Variants in DNM3 observed in about 807,000 individuals in gnomAD.
The protein encoded by DNM3 is dynamin-3.
DNM3 carries 47 observed loss-of-function variants against 101.6 expected under a neutral mutation model. The ratio of observed to expected loss-of-function variants is 0.46; its 90% CI spans 0.37 to 0.59. DNM3 has a LOEUF of 0.59. Ranked by LOEUF, DNM3 falls within the 20% of genes least tolerant of loss-of-function variation. The pLI is 0.00. For synonymous variants in DNM3, 385 were observed against 387.9 expected (o/e 0.99, Z 0.09); for missense variants, 849 against 1,085.7 (o/e 0.78, Z 3.06).
rs760241194 is a variant in DNM3, at chr1:172,092,880, G to C, written c.1545+5G>C. The stretch of plus-strand genomic sequence containing the variant: ...AAAACCACAGTTGGAAATCAGGTAG[G>C]AATTGCATAAGAGAATCAGTGTATG... On this transcript the variant is annotated splice_donor_5th_base_variant and intron_variant, in intron 13 of 20. Transcript: ENST00000627582. 5.1e-6 allele frequency: 8 copies of C among 1,557,006 alleles called. No individual in the cohort carries two copies. Among genetic ancestry groups the C allele is most frequent in the Non-Finnish European group, 7.0e-6 (8 of 1,149,400 alleles).
At chr1:172,249,342 T>C (rs562553972) in intron 14 of DNM3, among the ~76,000 whole-genome samples, 1 of 152,158 alleles carries the variant, frequency 6.6e-6, no homozygotes, top group Non-Finnish European at 1.5e-5. Flanking sequence ...CTCTGCCTTT[T>C]ACTACTCATT....
intron 14 of DNM3, among the ~76,000 whole-genome samples, chr1:172,183,767 ATTTTTTTTTTTTT>A (rs376245976): frequency 6.4e-5 from 4 of 62,650 alleles, no homozygotes; most frequent in African/African-American, 2.2e-4. Flanking sequence ...TGCCCAGCTA[ATTTTTTTTTTTTT>A]TTTTTTTTTT....
At chr1:171,910,155 T>C (rs1368081392) in intron 1 of DNM3, among the ~76,000 whole-genome samples, 2 of 152,208 alleles carry the variant, frequency 1.3e-5, no homozygotes, top group East Asian at 3.8e-4. Flanking sequence ...AAGGTTAAAG[T>C]TGTAAGTGTT....
intron 14 of DNM3, among the ~76,000 whole-genome samples, chr1:172,208,001 TAA>T (rs1203896689): frequency 3.3e-5 from 5 of 152,064 alleles, no homozygotes; most frequent in African/African-American, 7.2e-5. Flanking sequence ...GTAACAATGC[TAA>T]GTTTGTATAG....
chr1:172,093,505 A>G (rs2054049942), intron 13 of DNM3, among the ~76,000 whole-genome samples: 1 of 152,122 alleles, frequency 6.6e-6, no homozygotes, highest in Admixed American at 6.6e-5. Context: ...TTGCATTGTT[A>G]TTTCTTTTCA....
intron 17 of DNM3, among the ~76,000 whole-genome samples, chr1:172,364,497 C>T (rs1311424016): frequency 6.6e-6 from 1 of 151,786 alleles, no homozygotes; most frequent in East Asian, 1.9e-4. Context: ...GCCAAATCCA[C>T]ACTGGGGGAT....
At chr1:172,235,063 A>G (rs1205582320) in intron 14 of DNM3, among the ~76,000 whole-genome samples, 2 of 152,128 alleles carry the variant, frequency 1.3e-5, no homozygotes, top group Non-Finnish European at 2.9e-5. Context: ...GTGAACAGGC[A>G]ACCTACAGAA....
chr1:172,057,194 T>G (rs200199345), intron 10 of DNM3, among the ~76,000 whole-genome samples: 1 of 152,030 alleles, frequency 6.6e-6, no homozygotes, highest in African/African-American at 2.4e-5. Flanking sequence ...TGGGACTATG[T>G]GAAAAGACCA....
At chr1:172,393,203 G>A (rs978820604) in intron 20 of DNM3, 1 of 152,138 alleles carries the variant, frequency 6.6e-6, no homozygotes, top group Non-Finnish European at 1.5e-5. Context: ...TCTTTACAAA[G>A]ACAAAAGCCA....
chr1:172,339,047 TA>T, intron 17 of DNM3: 1 of 491,728 alleles, frequency 2.0e-6, no homozygotes, highest in South Asian at 1.5e-5. Context: ...GTTTTCTAAA[TA>T]AAAAAGAAAG....
At position 171,954,732 on chromosome 1, in the gene DNM3, G is replaced by A. The variant is rs141745903; in HGVS notation, c.235+32911G>A. On this transcript the variant is annotated intron_variant, in intron 2 of 20. Transcript: ENST00000627582. ...CTAGAAAATTCTAAATTACACCAAA[G>A]GAAAACACCACCAGGAGATGGAGGA... is the stretch of plus-strand genomic sequence containing the variant. 1.8e-3 allele frequency among the ~76,000 whole-genome samples: 273 copies of A among 152,194 alleles called. 1 individual carries two copies. Among genetic ancestry groups the A allele is most frequent in the Non-Finnish European group, 3.0e-3 (201 of 68,018 alleles).
At chr1:171,907,306 A>G (rs1389392564) in intron 1 of DNM3, among the ~76,000 whole-genome samples, 1 of 152,214 alleles carries the variant, frequency 6.6e-6, no homozygotes, top group Non-Finnish European at 1.5e-5. Flanking sequence ...AGCCTGACCA[A>G]CATGGAGAAA....
chr1:172,234,500 C>A (rs1185967178), intron 14 of DNM3, among the ~76,000 whole-genome samples: 1 of 152,108 alleles, frequency 6.6e-6, no homozygotes, highest in Non-Finnish European at 1.5e-5. Context: ...ATCAAGCTAC[C>A]AATGACTTTC....
intron 1 of DNM3, among the ~76,000 whole-genome samples, chr1:171,874,211 G>A (rs566760559): frequency 1.3e-5 from 2 of 152,152 alleles, no homozygotes; most frequent in Non-Finnish European, 2.9e-5. Flanking sequence ...ATTAAAATGG[G>A]ATGTCACTAA....
intron 14 of DNM3, among the ~76,000 whole-genome samples, chr1:172,159,410 C>G (rs2058463684): frequency 6.6e-6 from 1 of 152,052 alleles, no homozygotes. Flanking sequence ...TAAATATAGT[C>G]TGCTCCACCT....
At chr1:172,178,901 A>G (rs533543103) in intron 14 of DNM3, among the ~76,000 whole-genome samples, 1 of 152,092 alleles carries the variant, frequency 6.6e-6, no homozygotes, top group African/African-American at 2.4e-5. Flanking sequence ...CTCCATGGGC[A>G]TGTCTCTATC....
At chr1:172,177,004 A>G (rs998126634) in intron 14 of DNM3, among the ~76,000 whole-genome samples, 4 of 151,928 alleles carry the variant, frequency 2.6e-5, no homozygotes, top group African/African-American at 9.7e-5. Flanking sequence ...AACATAGATC[A>G]AACTACAAAG....
intron 16 of DNM3, among the ~76,000 whole-genome samples, chr1:172,312,045 A>G (rs1281764108): frequency 6.6e-6 from 1 of 152,238 alleles, no homozygotes; most frequent in Non-Finnish European, 1.5e-5. Context: ...AACTGATGAA[A>G]TTAACTAGAA....
At chr1:172,106,091 T>C (rs2054992423) in intron 13 of DNM3, among the ~76,000 whole-genome samples, 1 of 152,184 alleles carries the variant, frequency 6.6e-6, no homozygotes, top group South Asian at 2.1e-4. Flanking sequence ...TTTTTAGTCT[T>C]TTACCATCAG....
Sources: allele counts gnomAD v4.1 joint callset (sites outside exome capture counted in the v4.1 genomes callset), GRCh38; gene constraint gnomAD v4.1.1; transcripts MANE v1.5; gene names NCBI Gene and HGNC (gene_info 2026-07-23, HGNC 2026-07-21).